Variants in PGAP4 observed in about 807,000 individuals in gnomAD.
PGAP4 encodes the protein post-GPI attachment to proteins GalNAc transferase 4.
A neutral mutation model predicts 28.2 loss-of-function variants in PGAP4; 12 were observed. The observed-to-expected ratio is 0.42, with a 90% confidence interval of 0.27 to 0.69. PGAP4 has a LOEUF of 0.69. PGAP4 is among the 30% of genes least tolerant of loss of function. The probability of loss-of-function intolerance (pLI) is 0.22; values close to 1 mark genes in which losing one functional copy is unlikely to be tolerated. For synonymous variants in PGAP4, 205 were observed against 211.8 expected (o/e 0.97, Z 0.28); for missense variants, 425 against 513.5 (o/e 0.83, Z 1.67).
At chr9:101,506,727 T>C (rs13290720) in intron 2 of PGAP4, among the ~76,000 whole-genome samples, 23,740 of 152,024 alleles carry the variant, frequency 0.16, 1,969 homozygotes, top group East Asian at 0.24. Flanking sequence ...AAAATTTAAA[T>C]AGACCCCACT....
At chr9:101,525,814 A>C (rs1031412028) in intron 2 of PGAP4, among the ~76,000 whole-genome samples, 3 of 152,202 alleles carry the variant, frequency 2.0e-5, no homozygotes, top group Non-Finnish European at 4.4e-5. Flanking sequence ...AGTGTTAAGA[A>C]ATACAAATCT....
chr9:101,520,747 G>C (rs1429703203), intron 2 of PGAP4, among the ~76,000 whole-genome samples: 1 of 152,162 alleles, frequency 6.6e-6, no homozygotes, highest in East Asian at 1.9e-4. Context: ...AGGACTTCCA[G>C]TACTATGTTG....
intron 1 of PGAP4, among the ~76,000 whole-genome samples, chr9:101,477,920 C>CA (rs1564092125): frequency 6.7e-6 from 1 of 148,656 alleles, no homozygotes; most frequent in Admixed American, 6.7e-5. Context: ...AATGAGGGAG[C>CA]GGGGGGGGAA....
intron 2 of PGAP4, among the ~76,000 whole-genome samples, chr9:101,495,613 C>T (rs1219671551): frequency 6.7e-6 from 1 of 148,770 alleles, no homozygotes; most frequent in African/African-American, 2.5e-5. Flanking sequence ...AACAGAATTA[C>T]AGGTCATGGC....
chr9:101,502,280 G>C (rs1335190888), intron 2 of PGAP4, among the ~76,000 whole-genome samples: 4 of 152,086 alleles, frequency 2.6e-5, no homozygotes, highest in African/African-American at 9.7e-5. Context: ...TTTCATGTTT[G>C]AACTTGTTAA....
chr9:101,500,467 G>C (rs80287180), intron 2 of PGAP4, among the ~76,000 whole-genome samples: 5,957 of 151,586 alleles, frequency 0.039, 169 homozygotes, highest in Admixed American at 0.077. Context: ...AATGGGCCTA[G>C]CCGGATAATC....
intron 2 of PGAP4, among the ~76,000 whole-genome samples, chr9:101,518,799 T>C (rs1826961816): frequency 6.6e-6 from 1 of 152,162 alleles, no homozygotes; most frequent in Non-Finnish European, 1.5e-5. Flanking sequence ...ATCTTTTTCA[T>C]ATGACTTCTT....
intron 2 of PGAP4, among the ~76,000 whole-genome samples, chr9:101,530,121 A>AATTTG (rs1827074637): frequency 6.6e-6 from 1 of 152,274 alleles, no homozygotes; most frequent in African/African-American, 2.4e-5. Flanking sequence ...GAAAAAAACA[A>AATTTG]TAAACAAAAA....
At chr9:101,493,881 G>A (rs777098383) in intron 2 of PGAP4, among the ~76,000 whole-genome samples, 9 of 152,032 alleles carry the variant, frequency 5.9e-5, no homozygotes, top group Admixed American at 1.3e-4. Context: ...TATTGGGGGA[G>A]ATTAGGAGAA....
intron 2 of PGAP4, among the ~76,000 whole-genome samples, chr9:101,511,590 T>G (rs1172715507): frequency 6.6e-6 from 1 of 152,156 alleles, no homozygotes; most frequent in African/African-American, 2.4e-5. Context: ...GGACCTTTGT[T>G]AGGCTCCTTA....
intron 2 of PGAP4, among the ~76,000 whole-genome samples, chr9:101,494,781 A>T (rs1443937681): frequency 6.6e-6 from 1 of 151,674 alleles, no homozygotes; most frequent in African/African-American, 2.4e-5. Context: ...TCAAAATCTG[A>T]TGAAAGTTTT....
intron 2 of PGAP4, among the ~76,000 whole-genome samples, chr9:101,523,256 C>T (rs1193788035): frequency 6.6e-6 from 1 of 152,276 alleles, no homozygotes; most frequent in Non-Finnish European, 1.5e-5. Context: ...GGGTCTCTAG[C>T]AAGGCCAGGA....
chr9:101,506,909 G>T (rs1826853022), intron 2 of PGAP4, among the ~76,000 whole-genome samples: 1 of 152,064 alleles, frequency 6.6e-6, no homozygotes, highest in Non-Finnish European at 1.5e-5. Flanking sequence ...AATTTGTTGA[G>T]GATTTACAAA....
chr9:101,523,147 C>T (rs574433969), intron 2 of PGAP4, among the ~76,000 whole-genome samples: 2 of 151,680 alleles, frequency 1.3e-5, no homozygotes, highest in East Asian at 3.9e-4. Flanking sequence ...TTCTGCCTCA[C>T]AGCTCTTAAG....
intron 1 of PGAP4, among the ~76,000 whole-genome samples, chr9:101,480,312 G>C (rs1258649040): frequency 6.6e-6 from 1 of 152,182 alleles, no homozygotes; most frequent in African/African-American, 2.4e-5. Context: ...TCTGTTGCCT[G>C]TTGTTTGTAC....
At chr9:101,516,208 C>CT (rs1315856174) in intron 2 of PGAP4, among the ~76,000 whole-genome samples, 1 of 152,050 alleles carries the variant, frequency 6.6e-6, no homozygotes. Context: ...GTGATTCTTT[C>CT]TTTTTTTGCC....
At chr9:101,484,657 ACCGGAAAGAGAGC>A (rs899739332) in intron 1 of PGAP4, among the ~76,000 whole-genome samples, 7 of 152,128 alleles carry the variant, frequency 4.6e-5, no homozygotes, top group African/African-American at 1.4e-4. Context: ...TCACATGTAA[ACCGGAAAGAGAGC>A]CCTCACCAAA....
rs372527025 is a variant in PGAP4, at chr9:101,481,206, A to AAAAAGAT, written c.-77-4044_-77-4038dup. 5.8e-3 allele frequency among the ~76,000 whole-genome samples: 876 copies of AAAAAGAT among 152,324 alleles called. 8 individuals are homozygous for AAAAAGAT. Among genetic ancestry groups the AAAAAGAT allele is most frequent in the Middle Eastern group, 0.017 (5 of 294 alleles). On this transcript the variant is annotated intron_variant, in intron 1 of 1. Transcript: ENST00000374848. Reference sequence around the variant, plus strand: ...CAAAAACAAACAAACACACAAACAAAAAAAGATAAAAGATAAATGGCCTTA... The same window carrying AAAAAGAT: ...CAAAAACAAACAAACACACAAACAAAAAAAGATAAAAGATAAAAGATAAATGGCCTTA...
At chr9:101,499,101 A>G (rs1696750881) in intron 2 of PGAP4, among the ~76,000 whole-genome samples, 1 of 152,034 alleles carries the variant, frequency 6.6e-6, no homozygotes, top group African/African-American at 2.4e-5. Flanking sequence ...ACTTGTCTTT[A>G]TACCAGGACT....
Sources: allele counts gnomAD v4.1 joint callset (sites outside exome capture counted in the v4.1 genomes callset), GRCh38; gene constraint gnomAD v4.1.1; transcripts MANE v1.5; gene names NCBI Gene and HGNC (gene_info 2026-07-23, HGNC 2026-07-21).